GHR: variants seen among roughly 807,000 people sequenced by gnomAD.
GHR encodes the protein GH receptor.
Under a neutral mutation model 67.1 loss-of-function variants are expected in GHR, and 35 were observed. The observed-to-expected ratio is 0.52, with a 90% CI of 0.40 to 0.69. GHR has a LOEUF of 0.69. Ranked by LOEUF, GHR falls within the 30% of genes least tolerant of loss-of-function variation. The pLI, the probability that GHR is intolerant of heterozygous loss-of-function variation, is 0.00. For synonymous variants in GHR, 272 were observed against 269.1 expected, an observed-to-expected ratio of 1.01 and a Z score of -0.10; for missense variants, 792 against 764.6, an observed-to-expected ratio of 1.04 and a Z score of -0.42.
intron 1 of GHR, among the ~76,000 whole-genome samples, chr5:42,516,520 T>G (rs1168509464): frequency 6.6e-6 from 1 of 152,058 alleles, no homozygotes; most frequent in Non-Finnish European, 1.5e-5. Flanking sequence ...TAGGGTTGTG[T>G]GTGGCTCCGG....
At chr5:42,534,456 A>T (rs578243458) in intron 1 of GHR, among the ~76,000 whole-genome samples, 1 of 141,572 alleles carries the variant, frequency 7.1e-6, no homozygotes, top group South Asian at 2.1e-4. Flanking sequence ...GTATATATGT[A>T]TGTATATATG....
At chr5:42,438,950 T>C (rs989144070) in intron 1 of GHR, among the ~76,000 whole-genome samples, 1 of 152,200 alleles carries the variant, frequency 6.6e-6, no homozygotes, top group African/African-American at 2.4e-5. Context: ...TACGCAGCAA[T>C]AGATAAATAA....
chr5:42,564,792 A>G (rs1328517232), intron 1 of GHR, among the ~76,000 whole-genome samples: 2 of 152,214 alleles, frequency 1.3e-5, no homozygotes, highest in Non-Finnish European at 2.9e-5. Flanking sequence ...CACAGTAATA[A>G]AAATGAAGCC....
rs142230912 is a variant in GHR at position 42,719,117 on chromosome 5, A to G, written c.1610A>G (p.Glu537Gly). ...CTTATGGACAATGCCTACTTCTGTG[A>G]GGCAGATGCCAAAAAGTGCATCCCT... ...NFLMDNAYFCEADAKKCIPVA... is the reference protein window; with the variant it reads ...NFLMDNAYFCGADAKKCIPVA... The change falls in exon 10 of 10, where the codon GAG becomes GGG. Residue 537 changes from glutamate to glycine, a missense_variant. Glu to Gly is a moderately conservative substitution (Grantham distance 98, BLOSUM62 -2). Transcript: ENST00000230882. The G allele has an allele frequency of 1.2e-6, 2 of 1,614,126 alleles. No individual in the cohort carries two copies. The highest frequency in any genetic ancestry group is 8.5e-7 in the Non-Finnish European group (1 of 1,179,968).
chr5:42,467,938 G>T, intron 1 of GHR: 1 of 717,798 alleles, frequency 1.4e-6, no homozygotes, highest in South Asian at 1.8e-5. Context: ...CATTCACTAT[G>T]ACTTATCTGA....
rs1755865134 is a variant in GHR, at chr5:42,664,799, G to C, written c.137-24091G>C. 3.3e-5 allele frequency among the ~76,000 whole-genome samples: 5 copies of C among 152,244 alleles called. 1 individual carries two copies. In the South Asian group the frequency reaches 8.3e-4, roughly 25 times the overall value. On this transcript the variant is annotated intron_variant, in intron 3 of 9. Transcript: ENST00000230882. ...CAGCAAAAGAAACTACCATCAGAGT[G>C]AACAGGCAGCCTACAAAATGGGAGA...
At chr5:42,467,756 C>G in intron 1 of GHR, 1 of 1,550,056 alleles carries the variant, frequency 6.5e-7, no homozygotes, top group East Asian at 2.2e-5. Flanking sequence ...TGATGCACAA[C>G]GAGGTTTGCA....
intron 1 of GHR, among the ~76,000 whole-genome samples, chr5:42,500,105 A>G (rs913714917): frequency 6.6e-6 from 1 of 152,224 alleles, no homozygotes; most frequent in Non-Finnish European, 1.5e-5. Context: ...TGTCCAAATC[A>G]GGAAACAGCA....
chr5:42,519,982 G>A (rs1747406261), intron 1 of GHR, among the ~76,000 whole-genome samples: 1 of 152,134 alleles, frequency 6.6e-6, no homozygotes, highest in Non-Finnish European at 1.5e-5. Flanking sequence ...CTTTATGCCA[G>A]GTATTGGTAT....
intron 1 of GHR, chr5:42,425,180 A>T (rs1742798007): frequency 5.0e-6 from 1 of 198,336 alleles, no homozygotes; most frequent in African/African-American, 2.4e-5. Context: ...GGAGAACTGC[A>T]TGGGAGGGCG....
At chr5:42,550,905 T>G (rs1265188654) in intron 1 of GHR, among the ~76,000 whole-genome samples, 1 of 152,142 alleles carries the variant, frequency 6.6e-6, no homozygotes, top group African/African-American at 2.4e-5. Context: ...CAGGTTATGT[T>G]CTGCTGCCCA....
intron 1 of GHR, among the ~76,000 whole-genome samples, chr5:42,534,304 A>G (rs1219685355): frequency 7.1e-6 from 1 of 140,512 alleles, no homozygotes; most frequent in Non-Finnish European, 1.5e-5. Flanking sequence ...GTATATGTGT[A>G]TATATGTATG....
At chr5:42,665,012 T>C (rs1281992557) in intron 3 of GHR, among the ~76,000 whole-genome samples, 8 of 152,164 alleles carry the variant, frequency 5.3e-5, no homozygotes, top group South Asian at 2.1e-4. Flanking sequence ...CATCACTGGC[T>C]ATCAGAGAAA....
At chr5:42,649,616 G>T (rs544085705) in intron 3 of GHR, among the ~76,000 whole-genome samples, 1 of 152,212 alleles carries the variant, frequency 6.6e-6, no homozygotes, top group Non-Finnish European at 1.5e-5. Flanking sequence ...CCTTTAAAAG[G>T]CTCTTGGCAA....
chr5:42,584,016 G>A (rs183659346), intron 2 of GHR, among the ~76,000 whole-genome samples: 17 of 151,926 alleles, frequency 1.1e-4, no homozygotes, highest in Admixed American at 3.9e-4. Context: ...TTTGCGGTCC[G>A]TTAGTAGTCT....
chr5:42,506,699 C>T (rs1019044323), intron 1 of GHR, among the ~76,000 whole-genome samples: 12 of 152,040 alleles, frequency 7.9e-5, no homozygotes, highest in Admixed American at 2.0e-4. Context: ...TATTTGATGT[C>T]GACATCACTA....
chr5:42,544,133 C>G (rs2112389120), intron 1 of GHR, among the ~76,000 whole-genome samples: 1 of 152,212 alleles, frequency 6.6e-6, no homozygotes, highest in African/African-American at 2.4e-5. Flanking sequence ...AATGCTCTTT[C>G]CCATTTTCTT....
intron 4 of GHR, among the ~76,000 whole-genome samples, chr5:42,691,839 C>A (rs187160109): frequency 6.6e-6 from 1 of 152,228 alleles, no homozygotes; most frequent in African/African-American, 2.4e-5. Flanking sequence ...CCTGTGATGA[C>A]GATAGTGCCA....
Position 42,719,301 on chromosome 5 carries a change from T to C in GHR, c.1794T>C (p.Ile598=). 1 of 1,614,142 alleles carries C rather than the reference T, an allele frequency of 6.2e-7. No homozygotes were observed. The highest frequency in any genetic ancestry group is 8.5e-7 in the Non-Finnish European group (1 of 1,179,990). ...TGCCTGTCCCAGACTATACCTCCATTCATATAGTACAGTCCCCACAGGGCC... is the reference window on the plus strand; with the variant it reads ...TGCCTGTCCCAGACTATACCTCCATCCATATAGTACAGTCCCCACAGGGCC... ...SEMPVPDYTS[I]HIVQSPQGLI... is the part of the protein sequence containing the mutation. The change falls in exon 10 of 10, where the codon ATT becomes ATC. Residue 598 remains isoleucine (I), a synonymous_variant. Transcript: ENST00000230882.
Sources: allele counts gnomAD v4.1 joint callset (sites outside exome capture counted in the v4.1 genomes callset), GRCh38; gene constraint gnomAD v4.1.1; transcripts MANE v1.5; gene names NCBI Gene and HGNC (gene_info 2026-07-23, HGNC 2026-07-21).